The following MFAP5 variants were observed in gnomAD, a reference collection of about 807,000 sequenced individuals.
MFAP5 encodes the protein microfibril associated protein 5.
In MFAP5, 19 loss-of-function variants were observed where a neutral mutation model predicts 30.1. The ratio of observed to expected loss-of-function variants is 0.63; its 90% CI spans 0.44 to 0.93. The LOEUF (loss-of-function observed/expected upper bound fraction) is 0.93, where lower values mean the gene tolerates loss of function less well. MFAP5 is among the 40% of genes least tolerant of loss of function. MFAP5 has a pLI of 0.00. For missense variants in MFAP5, 210 were observed against 221.3 expected, an observed-to-expected ratio of 0.95 and a Z score of 0.32; for synonymous variants, 92 against 72.9, an observed-to-expected ratio of 1.26 and a Z score of -1.33.
intron 3 of MFAP5, among the ~76,000 whole-genome samples, chr12:8,658,992 C>CTTTTTT (rs71045203): frequency 2.4e-5 from 3 of 123,746 alleles, no homozygotes; most frequent in Non-Finnish European, 3.3e-5. Context: ...CCACACCTGG[C>CTTTTTT]TTTTTTTTTT....
chr12:8,652,077 A>G (rs1263651698), intron 6 of MFAP5, among the ~76,000 whole-genome samples: 2 of 152,174 alleles, frequency 1.3e-5, no homozygotes, highest in Non-Finnish European at 2.9e-5. Flanking sequence ...GCTCTTCCTT[A>G]TAAGAGAAAA....
chr12:8,650,560 T>C lies in MFAP5; in HGVS notation c.277A>G (p.Arg93Gly). 6.2e-7 allele frequency: 1 copy of C among 1,614,094 alleles called. No homozygotes were observed. Among genetic ancestry groups the C allele is most frequent in the Non-Finnish European group, 8.5e-7 (1 of 1,180,008 alleles). ...ECWDEKFTCT[R>G]LYSVHRPVKQ... ...ACCGGCCGATGCACAGAGTAGAGCC[T>C]TGTGCAGGTAAATTTCTCATCCCAG... The change falls in exon 8 of 10, where the codon AGG becomes GGG. Residue 93 changes from arginine to glycine, a missense_variant. Arg to Gly is a moderately radical substitution (Grantham distance 125). Transcript: ENST00000359478.
In MFAP5 at chr12:8,655,787, A is replaced by G; in HGVS notation, c.138T>C (p.Pro46=). Residue 46 remains proline, a splice_region_variant and synonymous_variant, in exon 4 of 10, where the codon CCT becomes CCC. Transcript: ENST00000359478. ...QATPETFTED[P]NLVNDPATDE... is the part of the protein sequence containing the mutation. ...CAAACAAACAAAAGTGTAGCTTACT[A>G]GGATCTTCTGTGAATGTTTCTGGAG... 6.2e-7 allele frequency: 1 copy of G among 1,610,578 alleles called. No individual in the cohort carries two copies. The highest frequency in any genetic ancestry group is 1.7e-4 in the Middle Eastern group (1 of 6,060).
At chr12:8,656,198 C>A (rs940246825) in intron 3 of MFAP5, among the ~76,000 whole-genome samples, 1 of 149,256 alleles carries the variant, frequency 6.7e-6, no homozygotes, top group South Asian at 2.1e-4. Flanking sequence ...GTAGCTGGGA[C>A]TACAGGCGCC....
At position 8,655,410 on chromosome 12, in the gene MFAP5, T is replaced by C. The variant is rs11046589; in HGVS notation, c.172+5A>G. ...CATTTTTTTTTTAACTGCGGTAAAA[T>C]TTACCTGTTTCATCTGTAGCGGGAT... On this transcript the variant is annotated splice_donor_5th_base_variant and intron_variant, in intron 5 of 9. Coordinates refer to ENST00000359478, the MANE Select transcript of MFAP5 (RefSeq NM_003480.4). The C allele has an allele frequency of 0.39, 621,834 of 1,590,546 alleles. 123,596 individuals carry two copies. Among genetic ancestry groups the C allele is most frequent in the African/African-American group, 0.48 (35,691 of 73,722 alleles).
chr12:8,647,960 TA>T lies in MFAP5; in HGVS notation c.*130del. The stretch of plus-strand genomic sequence containing the variant: ...TGGGTGAAAAAGTAGAGAGTAGGGG[TA>T]AAAGCTGGACATTGCAAAAGGATTG... On this transcript the variant is annotated 3_prime_UTR_variant, in exon 10 of 10. Coordinates refer to ENST00000359478, the MANE Select transcript of MFAP5 (RefSeq NM_003480.4). 1.7e-6 allele frequency: 1 copy of T among 604,260 alleles called. No individual in the cohort carries two copies. Among genetic ancestry groups the T allele is most frequent in the South Asian group, 2.5e-5 (1 of 40,042 alleles). 37.4% of individuals were successfully genotyped at this position (604,260 alleles called of 1,614,324 possible).
intron 6 of MFAP5, 167 bp downstream of exon 6, chr12:8,654,270 G>C: frequency 1.7e-6 from 1 of 602,122 alleles, no homozygotes; most frequent in Non-Finnish European, 2.9e-6. Context: ...TGTTTGTCAG[G>C]TGTTCAACAA....
At chr12:8,655,331 C>T in intron 5 of MFAP5, 84 bp downstream of exon 5, 1 of 1,226,536 alleles carries the variant, frequency 8.2e-7, no homozygotes, top group African/African-American at 1.5e-5. Flanking sequence ...TATAAAAGCA[C>T]AGAATGAATT....
chr12:8,654,236 TGAGA>T lies in MFAP5; in HGVS notation c.217+197_217+200del. The T allele has an allele frequency of 6.1e-6, 3 of 488,456 alleles. No individual in the cohort carries two copies. The South Asian group carries it at 1.3e-4, about 22-fold the overall frequency. 30.3% of individuals were successfully genotyped at this position (488,456 alleles called of 1,614,324 possible). A position where few individuals can be genotyped will look rare whatever the true frequency, so the allele number is the denominator to read the frequency against. On this transcript the variant is annotated intron_variant, in intron 6 of 9. Transcript: ENST00000359478. Reference sequence around the variant, plus strand: ...CTTTACCCATCAAGTCTTGAAACTTTGAGAGAAAGATTAGCACAGTTCCTGTTTG... The same window carrying T: ...CTTTACCCATCAAGTCTTGAAACTTTGAAAGATTAGCACAGTTCCTGTTTG...
intron 6 of MFAP5, among the ~76,000 whole-genome samples, chr12:8,653,057 T>A (rs1941880229): frequency 6.6e-6 from 1 of 151,470 alleles, no homozygotes; most frequent in Non-Finnish European, 1.5e-5. Flanking sequence ...CCAGGCTTGG[T>A]GGTGGGCGCC....
chr12:8,651,741 C>A (rs1463312105), intron 6 of MFAP5, 50 bp from the exon 7 acceptor site: 1 of 1,547,916 alleles, frequency 6.5e-7, no homozygotes, highest in African/African-American at 1.4e-5. Flanking sequence ...GAAGTTACTA[C>A]TTCTGTAACT....
intron 6 of MFAP5, among the ~76,000 whole-genome samples, chr12:8,653,893 G>A (rs1941906920): frequency 6.6e-6 from 1 of 152,144 alleles, no homozygotes; most frequent in South Asian, 2.1e-4. Flanking sequence ...GGGAGGCCGA[G>A]GCAGGTGGAT....
At chr12:8,656,625 T>TACACACACAC (rs1223209541) in intron 3 of MFAP5, among the ~76,000 whole-genome samples, 24 of 121,288 alleles carry the variant, frequency 2.0e-4, no homozygotes, top group African/African-American at 7.0e-4. Flanking sequence ...TATACACACA[T>TACACACACAC]ACACACACAC....
intron 8 of MFAP5, 147 bp downstream of exon 8, chr12:8,650,355 G>T: frequency 1.5e-6 from 1 of 680,976 alleles, no homozygotes; most frequent in Non-Finnish European, 2.6e-6. Flanking sequence ...GGTTCTAGTT[G>T]GTACATTCAG....
chr12:8,662,111 A>G lies in MFAP5; in HGVS notation c.-2-5T>C, dbSNP rs766827859. On this transcript the variant is annotated splice_polypyrimidine_tract_variant and splice_region_variant and intron_variant, in intron 1 of 9. Coordinates refer to ENST00000359478, the MANE Select transcript of MFAP5 (RefSeq NM_003480.4). ...TGGGTCCCAAGAGCGACATATCTAT[A>G]GGGGTGGTGGGCATAGCAGAGAATG... 1.2e-6 allele frequency: 2 copies of G among 1,613,098 alleles called. No individual in the cohort carries two copies. The highest frequency in any genetic ancestry group is 1.7e-6 in the Non-Finnish European group (2 of 1,179,762).
chr12:8,662,130 G>C (rs1329357528), intron 1 of MFAP5, 24 bp from the exon 2 acceptor site: 1 of 1,605,598 alleles, frequency 6.2e-7, no homozygotes, highest in Non-Finnish European at 8.5e-7. Context: ...GGGCATAGCA[G>C]AGAATGTGAT....
intron 3 of MFAP5, among the ~76,000 whole-genome samples, chr12:8,656,816 C>G (rs1056756622): frequency 1.3e-5 from 2 of 151,698 alleles, no homozygotes; most frequent in East Asian, 1.9e-4. Context: ...TACAGGCGCC[C>G]GCCACCACAC....
In MFAP5 at chr12:8,648,172, G is replaced by C. The variant is rs1216524899; in HGVS notation, c.441C>G (p.Pro147=). The change falls in exon 10 of 10, where the codon CCC becomes CCG. Residue 147 remains proline (P), a synonymous_variant. Transcript: ENST00000359478. The stretch of plus-strand genomic sequence containing the variant: ...AATTGGAGCGACGGAGTCTCCTAGG[G>C]GGCAGACCAGCCATCTGACGGCAAA... The part of the protein sequence containing the change: ...DELCRQMAGL[P]PRRLRRSNYF... The C allele has an allele frequency of 1.9e-6, 3 of 1,613,630 alleles. No individual in the cohort carries two copies. Among genetic ancestry groups the C allele is most frequent in the Non-Finnish European group, 2.5e-6 (3 of 1,179,788 alleles).
In MFAP5 at chr12:8,651,707, T is replaced by G. The variant is rs1482389856; in HGVS notation, c.218-16A>C. The G allele has an allele frequency of 1.2e-6, 2 of 1,611,894 alleles. No individual in the cohort carries two copies. Among genetic ancestry groups the G allele is most frequent in the Non-Finnish European group, 1.7e-6 (2 of 1,178,020 alleles). ...CTGAGGGAGGCTGAAAGGCAGAAAT[T>G]TTATTCCACTGTTACCAATTCTAGA... On this transcript the variant is annotated splice_polypyrimidine_tract_variant and intron_variant, in intron 6 of 9. Coordinates refer to ENST00000359478, the MANE Select transcript of MFAP5 (RefSeq NM_003480.4).
Sources: allele counts gnomAD v4.1 joint callset (sites outside exome capture counted in the v4.1 genomes callset), GRCh38; gene constraint gnomAD v4.1.1; transcripts MANE v1.5; gene names NCBI Gene and HGNC (gene_info 2026-07-23, HGNC 2026-07-21).